Variants in CD36 observed in about 807,000 individuals in gnomAD.
CD36 encodes CD36 molecule (CD36 blood group), also known as platelet glycoprotein 4.
A neutral mutation model predicts 55.2 loss-of-function variants in CD36; 119 were observed. The observed-to-expected ratio is 2.15, with a 90% CI of 1.86 to 2.51. CD36 has a LOEUF of 2.51. CD36 is among the 30% of genes most tolerant of loss of function. The probability of loss-of-function intolerance (pLI) is 0.00; values close to 1 mark genes in which losing one functional copy is unlikely to be tolerated. For synonymous variants in CD36, 186 were observed against 193.6 expected, an observed-to-expected ratio of 0.96 and a Z score of 0.33; for missense variants, 819 against 555.5, an observed-to-expected ratio of 1.47 and a Z score of -4.77.
intron 1 of CD36, among the ~76,000 whole-genome samples, chr7:80,611,145 A>G (rs998112381): frequency 2.6e-5 from 4 of 152,116 alleles, no homozygotes; most frequent in Middle Eastern, 6.8e-3. Context: ...GGCCCCACAA[A>G]CCACTGGGAT....
intron 1 of CD36, among the ~76,000 whole-genome samples, chr7:80,624,551 G>A (rs977395774): frequency 2.0e-5 from 3 of 152,042 alleles, no homozygotes; most frequent in African/African-American, 7.2e-5. Flanking sequence ...ATGCTTATAT[G>A]CATGCAACAG....
chr7:80,618,187 G>A (rs758409512), intron 1 of CD36, among the ~76,000 whole-genome samples: 1 of 152,064 alleles, frequency 6.6e-6, no homozygotes, highest in Non-Finnish European at 1.5e-5. Context: ...GTTTGACTTT[G>A]AGCAATTTAG....
intron 4 of CD36, among the ~76,000 whole-genome samples, chr7:80,657,064 G>GA (rs937995322): frequency 9.3e-5 from 14 of 150,806 alleles, no homozygotes; most frequent in South Asian, 2.1e-4. Flanking sequence ...TCCTGCTGAG[G>GA]AAAAAAAAAT....
At chr7:80,639,420 A>T (rs938348939) in intron 1 of CD36, among the ~76,000 whole-genome samples, 1 of 151,742 alleles carries the variant, frequency 6.6e-6, no homozygotes, top group Non-Finnish European at 1.5e-5. Context: ...AATAAAGTTA[A>T]TTTTTTTTCG....
At chr7:80,643,493 A>C (rs1794950386) in intron 1 of CD36, among the ~76,000 whole-genome samples, 2 of 152,164 alleles carry the variant, frequency 1.3e-5, no homozygotes, top group Non-Finnish European at 2.9e-5. Flanking sequence ...GGAATGTGAC[A>C]CTGGGGGTTT....
chr7:80,656,249 G>A (rs894784588), intron 3 of CD36, among the ~76,000 whole-genome samples: 5 of 152,092 alleles, frequency 3.3e-5, no homozygotes, highest in East Asian at 1.9e-4. Flanking sequence ...TTTTCAAAGC[G>A]TCACTCTAAA....
At chr7:80,618,684 C>T (rs1209011239) in intron 1 of CD36, among the ~76,000 whole-genome samples, 1 of 152,080 alleles carries the variant, frequency 6.6e-6, no homozygotes, top group African/African-American at 2.4e-5. Flanking sequence ...AGACAGAGCC[C>T]AATCCAGAGG....
At chr7:80,639,120 G>T (rs1269872627) in intron 1 of CD36, among the ~76,000 whole-genome samples, 4 of 151,876 alleles carry the variant, frequency 2.6e-5, no homozygotes, top group Admixed American at 2.6e-4. Context: ...AATATAATGA[G>T]GTTAGATGTT....
At chr7:80,666,577 G>A in intron 8 of CD36, 88 bp downstream of exon 8, 1 of 1,011,306 alleles carries the variant, frequency 9.9e-7, no homozygotes, top group Non-Finnish European at 1.6e-6. Flanking sequence ...TCTGAAAGTT[G>A]AGGGTGTGTG....
intron 1 of CD36, among the ~76,000 whole-genome samples, chr7:80,608,789 A>C (rs184159157): frequency 2.6e-4 from 39 of 152,214 alleles, no homozygotes; most frequent in Non-Finnish European, 4.6e-4. Flanking sequence ...CAAGCGTAAA[A>C]CCTGAGACTT....
At chr7:80,669,217 T>G (rs764039597) in intron 8 of CD36, among the ~76,000 whole-genome samples, 6 of 152,180 alleles carry the variant, frequency 3.9e-5, no homozygotes, top group Non-Finnish European at 8.8e-5. Flanking sequence ...GTTTCTTTTA[T>G]TTTGTACCAT....
intron 3 of CD36, among the ~76,000 whole-genome samples, chr7:80,648,228 C>T (rs1795318907): frequency 6.6e-6 from 1 of 152,134 alleles, no homozygotes; most frequent in East Asian, 1.9e-4. Context: ...ATTGATCTGA[C>T]ATCCTTCCTA....
chr7:80,668,684 T>C (rs1378990680), intron 8 of CD36, among the ~76,000 whole-genome samples: 1 of 152,214 alleles, frequency 6.6e-6, no homozygotes, highest in Admixed American at 6.5e-5. Flanking sequence ...TCTTTAATTA[T>C]TAAGGAAATG....
upstream of CD36, among the ~76,000 whole-genome samples, chr7:80,636,459 A>G (rs534659101): frequency 6.6e-6 from 1 of 151,790 alleles, no homozygotes; most frequent in African/African-American, 2.4e-5. Flanking sequence ...TTACAAGTCA[A>G]TATAACTAGG....
chr7:80,674,360 T>C, intron 14 of CD36: 1 of 514,022 alleles, frequency 1.9e-6, no homozygotes, highest in Non-Finnish European at 3.5e-6. Context: ...AGATAAAAGA[T>C]GTACTTGTGA....
chr7:80,671,657 C>T (rs1332553873), intron 10 of CD36, among the ~76,000 whole-genome samples: 7 of 151,274 alleles, frequency 4.6e-5, no homozygotes, highest in Non-Finnish European at 1.5e-5. Context: ...ATCATACTAA[C>T]GTGGGTGTGG....
intron 1 of CD36, among the ~76,000 whole-genome samples, chr7:80,627,565 G>A (rs1486334256): frequency 6.6e-6 from 1 of 151,738 alleles, no homozygotes; most frequent in East Asian, 1.9e-4. Context: ...CTTATCAAGG[G>A]ATCATGTGTG....
Position 80,666,494 on chromosome 7 carries a change from G to T in CD36, c.748+5G>T. On this transcript the variant is annotated splice_donor_5th_base_variant and intron_variant, in intron 8 of 14. Coordinates refer to ENST00000447544, the MANE Select transcript of CD36 (RefSeq NM_001001548.3). ...GCGACATGATTAATGGTACAGGTAA[G>T]AATATTTGTTTTGTGGTCATCACAG... The T allele has an allele frequency of 6.2e-7, 1 of 1,603,808 alleles. No individual in the cohort carries two copies. The highest frequency in any genetic ancestry group is 8.5e-7 in the Non-Finnish European group (1 of 1,171,154).
rs1400244207 is a variant in CD36, at chr7:80,663,152, G to A, written c.592G>A (p.Val198Ile). ...SLVPYPVTTT[V>I]GLFYPYNNTA... ...GGTTCCGTACCCTGTTACTACCACA[G>A]TTGGTCTGTTTTATCCTGTAAGTAC... Residue 198 changes from valine to isoleucine, a missense_variant, in exon 6 of 15, where the codon GTT (valine) becomes ATT (isoleucine). By Grantham distance (29) the Val-to-Ile change is conservative. Coordinates refer to ENST00000447544, the MANE Select transcript of CD36 (RefSeq NM_001001548.3). 2 of 1,613,478 alleles carry A rather than the reference G, an allele frequency of 1.2e-6. No individual in the cohort carries two copies. The highest frequency in any genetic ancestry group is 1.7e-6 in the Non-Finnish European group (2 of 1,179,576).
Sources: gnomAD v4.1 joint callset for allele counts (sites outside exome capture counted in the v4.1 genomes callset) on GRCh38, gnomAD v4.1.1 for gene constraint, MANE v1.5 for transcripts, NCBI Gene and HGNC (gene_info 2026-07-23, HGNC 2026-07-21) for gene names.